Variants in ETV1 observed in about 807,000 individuals in gnomAD.
ETV1 encodes the protein ETS translocation variant 1.
In ETV1, 27 loss-of-function variants were observed where a neutral mutation model predicts 62.3. That is an observed-to-expected ratio of 0.43 (90% CI 0.32 to 0.60). The LOEUF is 0.60. ETV1 is among the 20% of genes least tolerant of loss of function. The pLI is 0.06. For synonymous variants in ETV1, 222 were observed against 199.6 expected (o/e 1.11, Z -0.94); for missense variants, 605 against 605.8 (o/e 1.00, Z 0.01).
intron 9 of ETV1, among the ~76,000 whole-genome samples, chr7:13,921,134 T>C (rs1268850896): frequency 6.6e-6 from 1 of 152,166 alleles, no homozygotes; most frequent in Non-Finnish European, 1.5e-5. Context: ...CTTTAAGCAA[T>C]AGTTTTAGAG....
chr7:13,900,790 T>C lies in ETV1; in HGVS notation c.1160A>G (p.Asp387Gly). 1 of 1,611,792 alleles carries C rather than the reference T, an allele frequency of 6.2e-7. No homozygotes were observed. Among genetic ancestry groups the C allele is most frequent in the Non-Finnish European group, 8.5e-7 (1 of 1,178,970 alleles). Residue 387 changes from aspartate to glycine, a missense_variant, in exon 13 of 14, where the codon GAT becomes GGT. This residue lies in a region of ETV1 where 100 missense variants were observed against 156.4 expected (regional missense o/e 0.64). Coordinates refer to ENST00000430479, the MANE Select transcript of ETV1 (RefSeq NM_004956.5). ...ATAGCGGAGTGAACGGCTAAGTTTA[T>C]CATAGTTCATAGCTGGCCTGTTTTT... ...IQKNRPAMNY[D>G]KLSRSLRYYY...
intron 6 of ETV1, among the ~76,000 whole-genome samples, chr7:13,971,571 G>A (rs1337166978): frequency 1.3e-5 from 2 of 152,136 alleles, no homozygotes; most frequent in Non-Finnish European, 2.9e-5. Flanking sequence ...CTGAGTGTAA[G>A]ACAAAGCAGT....
rs957735956 is a variant in ETV1 at position 13,896,174 on chromosome 7, A to G, written c.1213-87T>C. 1.3e-5 allele frequency: 14 copies of G among 1,060,678 alleles called. No homozygotes were observed. The Admixed American group carries it at 2.2e-4, about 17-fold the overall frequency. The allele number at this position is 1,060,678 out of a possible 1,614,324, so 65.7% of individuals were successfully genotyped here. On this transcript the variant is annotated intron_variant, in intron 13 of 13. Coordinates refer to ENST00000430479, the MANE Select transcript of ETV1 (RefSeq NM_004956.5). ...AGGAAAAAGCCAAAAACGTGGTTTA[A>G]TATACAGGAAAGGATGGGTAACTCT...
Position 13,989,156 on chromosome 7 carries a change from T to C in ETV1, c.-87-17A>G. Reference sequence around the variant, plus strand: ...TCTATCAACCTAGAGGGGAACAAGATGGCTTTTAGGCTTAAAAAAAAATCA... The same window carrying C: ...TCTATCAACCTAGAGGGGAACAAGACGGCTTTTAGGCTTAAAAAAAAATCA... On this transcript the variant is annotated splice_polypyrimidine_tract_variant and intron_variant, in intron 2 of 13. Transcript: ENST00000430479. 5.2e-6 allele frequency: 5 copies of C among 969,894 alleles called. No homozygotes were observed. The highest frequency in any genetic ancestry group is 5.4e-5 in the East Asian group (2 of 37,306). 60.1% of individuals were successfully genotyped at this position (969,894 alleles called of 1,614,324 possible).
intron 8 of ETV1, among the ~76,000 whole-genome samples, chr7:13,933,463 G>A (rs942389849): frequency 6.6e-6 from 1 of 152,210 alleles, no homozygotes; most frequent in Non-Finnish European, 1.5e-5. Context: ...GAAACACTGA[G>A]AAAGAGAGAC....
intron 6 of ETV1, among the ~76,000 whole-genome samples, chr7:13,966,891 C>T (rs774969976): frequency 6.6e-6 from 1 of 152,102 alleles, no homozygotes; most frequent in Non-Finnish European, 1.5e-5. Flanking sequence ...ACTGTATCTC[C>T]AGTGACTAGG....
intron 6 of ETV1, among the ~76,000 whole-genome samples, chr7:13,943,587 T>A (rs572634382): frequency 6.6e-6 from 1 of 152,326 alleles, no homozygotes; most frequent in East Asian, 1.9e-4. Flanking sequence ...GAAGCTTTAT[T>A]CATGATAGCA....
intron 5 of ETV1, among the ~76,000 whole-genome samples, chr7:13,984,218 A>G (rs1371861878): frequency 4.6e-5 from 7 of 151,972 alleles, no homozygotes; most frequent in Non-Finnish European, 2.9e-5. Flanking sequence ...TCTTTTTTAA[A>G]AGGGTCAAGA....
intron 6 of ETV1, chr7:13,975,059 G>A (rs1298462052): frequency 1.3e-5 from 2 of 152,232 alleles, no homozygotes; most frequent in Non-Finnish European, 2.9e-5. Flanking sequence ...GACCAATACA[G>A]TAGCCAGTAG....
At position 13,931,581 on chromosome 7, in the gene ETV1, C is replaced by A. The variant is rs749510540; in HGVS notation, c.723G>T (p.Met241Ile). ...AGCTTTGGCTGGCCGCACTGCCAAC[C>A]ATGGTGTTGTGTTCATACACTGGGT... ...YHDPVYEHNT[M>I]VGSAASQSFP... The change falls in exon 9 of 14, where the codon ATG (methionine) becomes ATT (isoleucine). Residue 241 changes from methionine (M) to isoleucine (I), a missense_variant. Around this residue, in one of 3 missense-constraint regions of ETV1, gnomAD observed 426 missense variants for 377.8 expected, o/e 1.13. Transcript: ENST00000430479. 6.2e-7 allele frequency: 1 copy of A among 1,613,938 alleles called. No individual in the cohort carries two copies. The highest frequency in any genetic ancestry group is 1.3e-5 in the African/African-American group (1 of 74,936).
intron 11 of ETV1, 25 bp downstream of exon 11, chr7:13,909,607 A>G (rs1356904770): frequency 6.3e-7 from 1 of 1,586,482 alleles, no homozygotes; most frequent in African/African-American, 1.3e-5. Context: ...AAAAATCAGA[A>G]CTTGAGGCAA....
At chr7:13,963,376 TA>T in intron 6 of ETV1, among the ~76,000 whole-genome samples, 1 of 152,224 alleles carries the variant, frequency 6.6e-6, no homozygotes, top group East Asian at 1.9e-4. Context: ...CTAAAGAGTC[TA>T]AAACTGCTAT....
At chr7:13,904,468 T>C (rs1178880803) in intron 12 of ETV1, among the ~76,000 whole-genome samples, 3 of 152,220 alleles carry the variant, frequency 2.0e-5, no homozygotes, top group African/African-American at 4.8e-5. Context: ...TCAAATCTCC[T>C]ACTTACTCAA....
intron 9 of ETV1, among the ~76,000 whole-genome samples, chr7:13,929,852 C>G (rs1369978897): frequency 6.6e-6 from 1 of 152,062 alleles, no homozygotes; most frequent in Non-Finnish European, 1.5e-5. Flanking sequence ...AGAAGGATGA[C>G]CAGAGGGAGA....
intron 5 of ETV1, among the ~76,000 whole-genome samples, chr7:13,983,702 G>T (rs1782233328): frequency 8.1e-6 from 1 of 123,218 alleles, no homozygotes; most frequent in African/African-American, 3.2e-5. Flanking sequence ...GTTTTAAACT[G>T]TGTTTAGATG....
In ETV1 at chr7:13,926,785, C is replaced by G. The variant is rs574259096; in HGVS notation, c.802+4717G>C. On this transcript the variant is annotated intron_variant, in intron 9 of 13. Transcript: ENST00000430479. ...ATGATACAATCATGATCATACTGTACTGGTTCATTAAGCTAGCCCTAAATA... is the reference window on the plus strand; with the variant it reads ...ATGATACAATCATGATCATACTGTAGTGGTTCATTAAGCTAGCCCTAAATA... Among the ~76,000 whole-genome samples the G allele has an allele frequency of 2.4e-4, 36 of 152,224 alleles. No individual in the cohort carries two copies. In the South Asian group the frequency reaches 7.0e-3, roughly 30 times the overall value.
At chr7:13,982,018 A>C (rs922610289) in intron 5 of ETV1, among the ~76,000 whole-genome samples, 51 of 152,234 alleles carry the variant, frequency 3.4e-4, no homozygotes, top group African/African-American at 1.2e-3. Context: ...GTATAAACAT[A>C]TTTAAACATA....
chr7:13,990,982 A>G (rs936763060), upstream of ETV1: 1 of 152,480 alleles, frequency 6.6e-6, no homozygotes, highest in Non-Finnish European at 1.5e-5. Flanking sequence ...CCTGGGCAGG[A>G]GAAAGATCTA....
chr7:13,950,500 T>A lies in ETV1; in HGVS notation c.236-11254A>T, dbSNP rs183045382. ...ATACAGTTTGAAAAAGCCCCGGAAG[T>A]GATCAGGTGTCTACAGACTTGGAAA... On this transcript the variant is annotated intron_variant, in intron 6 of 13. Transcript: ENST00000430479. 2.6e-5 allele frequency among the ~76,000 whole-genome samples: 4 copies of A among 152,134 alleles called. No individual in the cohort carries two copies. In the East Asian group the frequency reaches 7.8e-4, roughly 30 times the overall value.
Sources: gnomAD v4.1 joint callset for allele counts (sites outside exome capture counted in the v4.1 genomes callset) on GRCh38, gnomAD v4.1.1 for gene constraint, gnomAD v4.1.1 regional missense constraint, MANE v1.5 for transcripts, NCBI Gene and HGNC (gene_info 2026-07-23, HGNC 2026-07-21) for gene names.